Variants in B4GALNT3 observed in about 807,000 individuals in gnomAD.
B4GALNT3 encodes the protein beta-1,4-N-acetylgalactosaminyltransferase 3.
B4GALNT3 carries 86 observed loss-of-function variants against 120.2 expected under a neutral mutation model. The ratio of observed to expected loss-of-function variants is 0.72; its 90% CI spans 0.60 to 0.86. B4GALNT3 has a LOEUF of 0.86. Among genes scored for constraint, B4GALNT3 ranks in the 40% least tolerant of loss-of-function variants. The probability of loss-of-function intolerance (pLI) is 0.00; values close to 1 mark genes in which losing one functional copy is unlikely to be tolerated. For missense variants in B4GALNT3, 1,167 were observed against 1,298.9 expected (o/e 0.90, Z 1.56); for synonymous variants, 518 against 510.4 (o/e 1.01, Z -0.20).
chr12:552,999 A>T, intron 13 of B4GALNT3, 195 bp from the exon 14 acceptor site: 1 of 710,694 alleles, frequency 1.4e-6, no homozygotes, highest in Non-Finnish European at 2.3e-6. Context: ...TATTCCCTTT[A>T]TGCAGATGAA....
chr12:491,036 A>G (rs1946335331), intron 1 of B4GALNT3, among the ~76,000 whole-genome samples: 1 of 152,228 alleles, frequency 6.6e-6, no homozygotes, highest in African/African-American at 2.4e-5. Context: ...CTATGAGGCC[A>G]GCATTACCTT....
rs766513532 is a variant in B4GALNT3, at chr12:549,790, A to G, written c.875A>G (p.Asp292Gly). The G allele has an allele frequency of 1.4e-5, 22 of 1,613,618 alleles. No homozygotes were observed. In the Middle Eastern group the frequency reaches 4.9e-4, roughly 36 times the overall value. ...LFTNETFLQM[D>G]EVGHIPQTAA... is the part of the protein sequence containing the mutation. ...CCAGATGAGACGTTCCTACAGATGG[A>G]TGAGGTGGGCCACATCCCACAGACA... Residue 292 changes from aspartate (D) to glycine (G), a missense_variant, in exon 10 of 20, where the codon GAT becomes GGT. By Grantham distance (94) the Asp-to-Gly change is moderately conservative (BLOSUM62 -1). Coordinates refer to ENST00000266383, the MANE Select transcript of B4GALNT3 (RefSeq NM_173593.4).
At chr12:554,597 T>G (rs924428912) in intron 14 of B4GALNT3, among the ~76,000 whole-genome samples, 1 of 150,858 alleles carries the variant, frequency 6.6e-6, no homozygotes, top group African/African-American at 2.4e-5. Context: ...GAGACCATCC[T>G]GGCTAACACG....
intron 15 of B4GALNT3, 133 bp from the exon 16 acceptor site, chr12:557,475 C>G: frequency 1.2e-6 from 1 of 838,164 alleles, no homozygotes; most frequent in South Asian, 1.7e-5. Flanking sequence ...AATGGTTTTG[C>G]AGAGTTGCAC....
rs372375742 is a variant in B4GALNT3 at position 474,134 on chromosome 12, C to G, written c.169+13589C>G. Among the ~76,000 whole-genome samples the G allele has an allele frequency of 1.4e-3, 211 of 152,302 alleles. 1 individual carries two copies. In the South Asian group the frequency reaches 0.018, roughly 13 times the overall value. ...CCATTGTCCTGAAAACAACGTCCTC[C>G]TTCACCTCACTGGCAGGAATAGAGT... On this transcript the variant is annotated intron_variant, in intron 1 of 19. Coordinates refer to ENST00000266383, the MANE Select transcript of B4GALNT3 (RefSeq NM_173593.4).
rs749731187 is a variant in B4GALNT3, at chr12:553,634, G to C, written c.1711G>C (p.Glu571Gln). Residue 571 changes from glutamate to glutamine, a missense_variant, in exon 14 of 20, where the codon GAG (glutamate) becomes CAG (glutamine). Coordinates refer to ENST00000266383, the MANE Select transcript of B4GALNT3 (RefSeq NM_173593.4). The part of the protein sequence containing the change: ...WLNQVESYIA[E>Q]QRRGDRMRPQ... ...GAACCAGGTGGAGTCGTACATCGCA[G>C]AGCAGAGACGGGGTGACAGGATGCG... 1.3e-5 allele frequency: 21 copies of C among 1,614,040 alleles called. No homozygotes were observed. Among genetic ancestry groups the C allele is most frequent in the Non-Finnish European group, 1.6e-5 (19 of 1,179,918 alleles).
At chr12:525,505 C>G (rs1016089804) in intron 1 of B4GALNT3, among the ~76,000 whole-genome samples, 2 of 152,214 alleles carry the variant, frequency 1.3e-5, no homozygotes, top group South Asian at 4.1e-4. Context: ...AAGCCACACT[C>G]CTGACTGTAT....
At chr12:541,084 G>A (rs913981868) in intron 3 of B4GALNT3, among the ~76,000 whole-genome samples, 1 of 152,282 alleles carries the variant, frequency 6.6e-6, no homozygotes, top group Admixed American at 6.5e-5. Flanking sequence ...GGTCAGATCC[G>A]AGCTTTAGAA....
chr12:506,018 G>C (rs536935349), intron 1 of B4GALNT3, among the ~76,000 whole-genome samples: 7 of 152,072 alleles, frequency 4.6e-5, no homozygotes, highest in African/African-American at 1.7e-4. Flanking sequence ...ATTGTAACCC[G>C]ATTTGTCTGT....
At chr12:546,919 G>A (rs980949269) in intron 7 of B4GALNT3, 7 of 592,324 alleles carry the variant, frequency 1.2e-5, no homozygotes, top group Admixed American at 5.9e-5. Flanking sequence ...CCAGAAGGCC[G>A]TGACTTATTG....
intron 1 of B4GALNT3, among the ~76,000 whole-genome samples, chr12:531,377 G>A (rs1020355577): frequency 7.2e-5 from 11 of 152,272 alleles, no homozygotes; most frequent in South Asian, 2.1e-4. Context: ...GGCTGAGCAC[G>A]GTGGCTCACA....
intron 3 of B4GALNT3, among the ~76,000 whole-genome samples, chr12:543,617 C>T (rs79060039): frequency 7.1e-5 from 6 of 83,984 alleles, no homozygotes; most frequent in South Asian, 4.7e-4. Context: ...GGAGCTGGGG[C>T]GGGCATGGGG....
intron 1 of B4GALNT3, among the ~76,000 whole-genome samples, chr12:484,800 A>T (rs1592016960): frequency 1.4e-4 from 1 of 7,386 alleles, no homozygotes; most frequent in South Asian, 0.019. Context: ...GAGAAAAATT[A>T]AAAAAAAAAA....
intron 1 of B4GALNT3, among the ~76,000 whole-genome samples, chr12:479,961 T>C (rs1946220226): frequency 7.1e-6 from 1 of 139,972 alleles, no homozygotes; most frequent in African/African-American, 2.7e-5. Context: ...TCGCCCAGGC[T>C]GGAGTGCAGT....
intron 1 of B4GALNT3, among the ~76,000 whole-genome samples, chr12:512,953 C>CCTTCCACCTTCTACTTT (rs1946609729): frequency 7.1e-6 from 1 of 140,108 alleles, no homozygotes; most frequent in Non-Finnish European, 1.6e-5. Flanking sequence ...CCTTCTTCCA[C>CCTTCCACCTTCTACTTT]CTTCCACCTT....
At chr12:519,750 C>T (rs1946688376) in intron 1 of B4GALNT3, among the ~76,000 whole-genome samples, 1 of 152,166 alleles carries the variant, frequency 6.6e-6, no homozygotes, top group Non-Finnish European at 1.5e-5. Context: ...TCAGCCGAAT[C>T]AGGGACACAA....
At chr12:538,701 G>A (rs1455170575) in intron 3 of B4GALNT3, among the ~76,000 whole-genome samples, 1 of 152,044 alleles carries the variant, frequency 6.6e-6, no homozygotes, top group Non-Finnish European at 1.5e-5. Flanking sequence ...GATGTTCAGG[G>A]GTTCACTGAT....
intron 3 of B4GALNT3, chr12:542,959 G>C (rs1456434623): frequency 4.4e-6 from 1 of 228,704 alleles, no homozygotes; most frequent in East Asian, 1.8e-4. Context: ...CAGCTGTGGC[G>C]CTTTCCTCTC....
intron 1 of B4GALNT3, among the ~76,000 whole-genome samples, chr12:521,375 C>T (rs77268300): frequency 0.029 from 4,344 of 152,172 alleles, 236 homozygotes; most frequent in African/African-American, 0.099. Context: ...TGTCTGGAGC[C>T]GGGTCACTGG....
Sources: allele counts gnomAD v4.1 joint callset (sites outside exome capture counted in the v4.1 genomes callset), GRCh38; gene constraint gnomAD v4.1.1; transcripts MANE v1.5; gene names NCBI Gene and HGNC (gene_info 2026-07-23, HGNC 2026-07-21).